Variants in CALN1 observed in about 807,000 individuals in gnomAD.
The protein encoded by CALN1 is calneuron 1, also known as calcium-binding protein 8.
Under a neutral mutation model 30.6 loss-of-function variants are expected in CALN1, and 17 were observed. The observed-to-expected ratio is 0.56, with a 90% CI of 0.38 to 0.83. CALN1 has a LOEUF of 0.83. CALN1 is among the 40% of genes least tolerant of loss of function. The pLI, the probability that CALN1 is intolerant of heterozygous loss-of-function variation, is 0.00. For synonymous variants in CALN1, 156 were observed against 131.4 expected, an observed-to-expected ratio of 1.19 and a Z score of -1.28; for missense variants, 291 against 354.9, an observed-to-expected ratio of 0.82 and a Z score of 1.45.
At chr7:72,344,730 T>G (rs1802544287) in intron 2 of CALN1, among the ~76,000 whole-genome samples, 2 of 147,428 alleles carry the variant, frequency 1.4e-5, no homozygotes, top group Non-Finnish European at 3.0e-5. Flanking sequence ...ATAAATGGCT[T>G]TTTATAAATG....
chr7:71,866,515 C>T (rs1417360573), intron 5 of CALN1, among the ~76,000 whole-genome samples: 1 of 151,962 alleles, frequency 6.6e-6, no homozygotes, highest in Non-Finnish European at 1.5e-5. Context: ...TGGTAAAAAA[C>T]ATATAGATCA....
At chr7:72,172,952 G>C (rs1297767333) in intron 3 of CALN1, among the ~76,000 whole-genome samples, 1 of 151,572 alleles carries the variant, frequency 6.6e-6, no homozygotes, top group Non-Finnish European at 1.5e-5. Flanking sequence ...CTAGGTCTTA[G>C]CCATTGCAAT....
chr7:71,862,184 C>T (rs998493360), intron 5 of CALN1, among the ~76,000 whole-genome samples: 3 of 152,210 alleles, frequency 2.0e-5, no homozygotes, highest in Admixed American at 6.5e-5. Flanking sequence ...TCAAGGCTTA[C>T]GCCCCTTTGA....
At chr7:72,268,641 C>CA (rs1796749923) in intron 3 of CALN1, among the ~76,000 whole-genome samples, 1 of 151,964 alleles carries the variant, frequency 6.6e-6, no homozygotes, top group Non-Finnish European at 1.5e-5. Flanking sequence ...CCTGTCTCTA[C>CA]AAAAAATTAT....
chr7:72,370,315 C>T (rs1804152738), intron 2 of CALN1, among the ~76,000 whole-genome samples: 1 of 151,730 alleles, frequency 6.6e-6, no homozygotes, highest in Non-Finnish European at 1.5e-5. Flanking sequence ...TGTCTTTTAC[C>T]CATCTTTAAA....
chr7:72,203,655 A>G (rs1791600228), intron 3 of CALN1, among the ~76,000 whole-genome samples: 1 of 152,178 alleles, frequency 6.6e-6, no homozygotes, highest in Non-Finnish European at 1.5e-5. Flanking sequence ...ATTTCACTCT[A>G]ATTAGCAAGG....
chr7:72,046,017 G>A (rs78136938), intron 4 of CALN1, among the ~76,000 whole-genome samples: 2 of 125,492 alleles, frequency 1.6e-5, no homozygotes, highest in African/African-American at 3.6e-5. Context: ...AAAAAAAAAA[G>A]GATTCAGAAC....
At chr7:72,218,237 A>G (rs1311781992) in intron 3 of CALN1, among the ~76,000 whole-genome samples, 2 of 151,622 alleles carry the variant, frequency 1.3e-5, no homozygotes, top group Non-Finnish European at 2.9e-5. Context: ...TCACCAGGTC[A>G]GGAGATCGAA....
At chr7:71,889,547 A>T (rs184126370) in intron 5 of CALN1, among the ~76,000 whole-genome samples, 12 of 152,270 alleles carry the variant, frequency 7.9e-5, no homozygotes, top group Admixed American at 6.5e-4. Context: ...ACATCCCGAA[A>T]GGCCCCGCCT....
intron 3 of CALN1, among the ~76,000 whole-genome samples, chr7:72,157,341 T>C (rs1049303738): frequency 2.6e-5 from 4 of 152,172 alleles, no homozygotes; most frequent in African/African-American, 9.7e-5. Flanking sequence ...CTGGGTGCAG[T>C]GGCTCACACC....
rs765540825 is a variant in CALN1 at position 71,787,757 on chromosome 7, G to A, written c.*18C>T. On this transcript the variant is annotated 3_prime_UTR_variant, in exon 7 of 7. Transcript: ENST00000395275. ...CATGCGCGGTGAGCTGCAACACAGT[G>A]TGGCTGGCGGGAGGCTGCTACTCCA... 2 of 1,613,202 alleles carry A rather than the reference G, an allele frequency of 1.2e-6. No individual in the cohort carries two copies. Among genetic ancestry groups the A allele is most frequent in the Admixed American group, 3.3e-5 (2 of 60,008 alleles).
chr7:71,880,001 T>G (rs1792471728), intron 5 of CALN1, among the ~76,000 whole-genome samples: 1 of 152,166 alleles, frequency 6.6e-6, no homozygotes. Context: ...CTGGGCATGG[T>G]GGCTCATGTC....
the CALN1 span, among the ~76,000 whole-genome samples, chr7:72,471,863 T>C: frequency 3.9e-5 from 6 of 152,098 alleles, no homozygotes; most frequent in Non-Finnish European, 5.9e-5. Flanking sequence ...TGTAGTGGCA[T>C]GATTATAGTT....
chr7:71,859,765 A>T (rs1174126281), intron 5 of CALN1, among the ~76,000 whole-genome samples: 1 of 152,162 alleles, frequency 6.6e-6, no homozygotes, highest in Non-Finnish European at 1.5e-5. Context: ...TTTTTAACTG[A>T]GCCCATGCGG....
At chr7:71,822,222 T>G (rs931196258) in intron 5 of CALN1, among the ~76,000 whole-genome samples, 10 of 147,974 alleles carry the variant, frequency 6.8e-5, no homozygotes, top group African/African-American at 2.3e-4. Flanking sequence ...ATAAACATAT[T>G]TGGCTGTACT....
At chr7:72,301,260 G>A (rs1799241859) in intron 2 of CALN1, among the ~76,000 whole-genome samples, 1 of 152,044 alleles carries the variant, frequency 6.6e-6, no homozygotes, top group Non-Finnish European at 1.5e-5. Flanking sequence ...ACTGATTTAA[G>A]TCCTTCACTT....
At chr7:71,813,397 T>C (rs1227454442) in intron 5 of CALN1, among the ~76,000 whole-genome samples, 1 of 152,180 alleles carries the variant, frequency 6.6e-6, no homozygotes, top group Non-Finnish European at 1.5e-5. Flanking sequence ...TAAGTAATAA[T>C]ACAGCCCTAT....
At chr7:72,190,757 T>G (rs1250368889) in intron 3 of CALN1, among the ~76,000 whole-genome samples, 1 of 152,224 alleles carries the variant, frequency 6.6e-6, no homozygotes, top group Non-Finnish European at 1.5e-5. Flanking sequence ...TGGGAGAGGT[T>G]AGCATCAGAT....
At chr7:72,292,900 G>A (rs534722710) in intron 2 of CALN1, among the ~76,000 whole-genome samples, 52 of 151,642 alleles carry the variant, frequency 3.4e-4, no homozygotes, top group Middle Eastern at 6.9e-3. Flanking sequence ...CTGGGAAACC[G>A]GAGTCTCATT....
Sources: gnomAD v4.1 joint callset for allele counts (sites outside exome capture counted in the v4.1 genomes callset) on GRCh38, gnomAD v4.1.1 for gene constraint, MANE v1.5 for transcripts, NCBI Gene and HGNC (gene_info 2026-07-23, HGNC 2026-07-21) for gene names.